Variants in CRYL1 observed in about 807,000 individuals in gnomAD.
CRYL1 encodes lambda-crystallin homolog.
Under a neutral mutation model 36.6 loss-of-function variants are expected in CRYL1, and 29 were observed. The ratio of observed to expected loss-of-function variants is 0.79; its 90% CI spans 0.59 to 1.08. The LOEUF is 1.08. Ranked by LOEUF, CRYL1 falls within the 50% of genes least tolerant of loss-of-function variation. The pLI is 0.00. For missense variants in CRYL1, 411 were observed against 407.9 expected, an observed-to-expected ratio of 1.01 and a Z score of -0.06; for synonymous variants, 152 against 151.5, an observed-to-expected ratio of 1.00 and a Z score of -0.02.
chr13:20,505,193 T>TA (rs1268807537), intron 2 of CRYL1, among the ~76,000 whole-genome samples: 3 of 151,706 alleles, frequency 2.0e-5, no homozygotes, highest in Admixed American at 2.0e-4. Context: ...CCATCTCTAA[T>TA]AAAAAATACT....
chr13:20,489,294 C>T, intron 3 of CRYL1, 76 bp downstream of exon 3: 5 of 1,582,464 alleles, frequency 3.2e-6, no homozygotes, highest in Non-Finnish European at 4.3e-6. Flanking sequence ...GCTCTGTATC[C>T]TGCCCTGTTC....
At chr13:20,504,056 C>CG (rs1352773191) in intron 2 of CRYL1, among the ~76,000 whole-genome samples, 2 of 152,080 alleles carry the variant, frequency 1.3e-5, no homozygotes, top group African/African-American at 2.4e-5. Flanking sequence ...CTAAAGATGG[C>CG]GATTTCAGAT....
At chr13:20,455,586 G>A (rs553866599) in intron 3 of CRYL1, among the ~76,000 whole-genome samples, 17 of 151,872 alleles carry the variant, frequency 1.1e-4, no homozygotes, top group African/African-American at 3.1e-4. Context: ...GAAAACTCAA[G>A]CTATACCATA....
intron 3 of CRYL1, among the ~76,000 whole-genome samples, chr13:20,460,307 G>A (rs1012361316): frequency 6.6e-6 from 1 of 152,156 alleles, no homozygotes; most frequent in African/African-American, 2.4e-5. Context: ...TATAGAAAGA[G>A]TCAGCATTTT....
At chr13:20,468,420 C>T (rs1227043579) in intron 3 of CRYL1, among the ~76,000 whole-genome samples, 1 of 152,174 alleles carries the variant, frequency 6.6e-6, no homozygotes, top group Non-Finnish European at 1.5e-5. Flanking sequence ...TGCCACCACA[C>T]TCAGCTCAAA....
chr13:20,405,372 G>A (rs567774022), intron 6 of CRYL1, among the ~76,000 whole-genome samples: 1 of 152,198 alleles, frequency 6.6e-6, no homozygotes, highest in Admixed American at 6.5e-5. Context: ...ACACTGATTT[G>A]TTGGCTATCA....
intron 2 of CRYL1, among the ~76,000 whole-genome samples, chr13:20,503,899 T>A (rs760215758): frequency 6.6e-6 from 1 of 152,202 alleles, no homozygotes; most frequent in Non-Finnish European, 1.5e-5. Context: ...GGAGACACAG[T>A]ACAGGCCTAC....
intron 6 of CRYL1, 86 bp downstream of exon 6, chr13:20,413,196 G>T: frequency 1.1e-6 from 1 of 881,506 alleles, no homozygotes; most frequent in South Asian, 1.6e-5. Context: ...CTATTCAGTT[G>T]TAAGAAAAGG....
chr13:20,424,050 T>C (rs1447221665), intron 5 of CRYL1, among the ~76,000 whole-genome samples: 1 of 152,154 alleles, frequency 6.6e-6, no homozygotes, highest in Non-Finnish European at 1.5e-5. Context: ...ATTACAGGTG[T>C]GAGCCACCAC....
intron 5 of CRYL1, among the ~76,000 whole-genome samples, chr13:20,427,833 G>C (rs965931241): frequency 6.6e-6 from 1 of 151,204 alleles, no homozygotes; most frequent in Non-Finnish European, 1.5e-5. Flanking sequence ...AGGAAACCAG[G>C]GATATCACTA....
At chr13:20,442,018 G>A (rs758440258) in intron 3 of CRYL1, among the ~76,000 whole-genome samples, 7 of 152,208 alleles carry the variant, frequency 4.6e-5, no homozygotes, top group Non-Finnish European at 7.3e-5. Flanking sequence ...ACAGTAGCTG[G>A]CTCATTGTAT....
intron 5 of CRYL1, among the ~76,000 whole-genome samples, chr13:20,422,598 G>A (rs927451627): frequency 1.3e-5 from 2 of 152,112 alleles, no homozygotes; most frequent in Admixed American, 6.5e-5. Context: ...CTCTGCACAC[G>A]GGTGGCATGC....
intron 2 of CRYL1, among the ~76,000 whole-genome samples, chr13:20,493,693 GGA>G (rs1267739495): frequency 3.3e-5 from 5 of 152,084 alleles, no homozygotes; most frequent in Non-Finnish European, 7.4e-5. Context: ...AGAAGGAGAA[GGA>G]GAAGAAATGC....
intron 3 of CRYL1, among the ~76,000 whole-genome samples, chr13:20,484,523 T>C (rs887078420): frequency 1.3e-5 from 2 of 152,094 alleles, no homozygotes; most frequent in Non-Finnish European, 2.9e-5. Flanking sequence ...AATACAAAAA[T>C]CAGCTGGGTG....
At chr13:20,440,314 T>C (rs2032324730) in intron 3 of CRYL1, among the ~76,000 whole-genome samples, 1 of 152,222 alleles carries the variant, frequency 6.6e-6, no homozygotes, top group Admixed American at 6.5e-5. Flanking sequence ...CTGTCTTTTG[T>C]TATAGGGCCC....
chr13:20,485,444 C>T (rs564005025), intron 3 of CRYL1, among the ~76,000 whole-genome samples: 1 of 152,098 alleles, frequency 6.6e-6, no homozygotes, highest in African/African-American at 2.4e-5. Context: ...AGGTGGATCA[C>T]TTGAGGTCAG....
chr13:20,492,356 C>G (rs1208422268), intron 2 of CRYL1, among the ~76,000 whole-genome samples: 1 of 152,174 alleles, frequency 6.6e-6, no homozygotes. Flanking sequence ...TATCTTATTG[C>G]TACTGTAACA....
chr13:20,474,743 C>T (rs1027334340), intron 3 of CRYL1, among the ~76,000 whole-genome samples: 1 of 152,144 alleles, frequency 6.6e-6, no homozygotes, highest in African/African-American at 2.4e-5. Context: ...CCTTCCTCTC[C>T]CCTCCCAGGG....
intron 3 of CRYL1, among the ~76,000 whole-genome samples, chr13:20,484,017 C>T (rs189736628): frequency 1.4e-4 from 22 of 152,288 alleles, no homozygotes; most frequent in East Asian, 7.7e-4. Flanking sequence ...AGCATTTCAC[C>T]GTGTTAGCCA....
Sources: gnomAD v4.1 joint callset for allele counts (sites outside exome capture counted in the v4.1 genomes callset) on GRCh38, gnomAD v4.1.1 for gene constraint, MANE v1.5 for transcripts, NCBI Gene and HGNC (gene_info 2026-07-23, HGNC 2026-07-21) for gene names.